Variants in TRIO observed in about 807,000 individuals in gnomAD.
The protein encoded by TRIO is trio Rho guanine nucleotide exchange factor.
Under a neutral mutation model 351.9 loss-of-function variants are expected in TRIO, and 58 were observed. The ratio of observed to expected loss-of-function variants is 0.16; its 90% CI spans 0.13 to 0.21. The LOEUF (loss-of-function observed/expected upper bound fraction) is 0.21. Ranked by LOEUF, TRIO falls within the 10% of genes least tolerant of loss-of-function variation. The pLI, the probability that TRIO is intolerant of heterozygous loss-of-function variation, is 1.00. For synonymous variants in TRIO, 1,758 were observed against 1,595.7 expected (o/e 1.10, Z -2.42); for missense variants, 3,201 against 4,027.8 (o/e 0.79, Z 5.56).
At chr5:14,212,271 C>T (rs950651225) in intron 1 of TRIO, among the ~76,000 whole-genome samples, 6 of 152,112 alleles carry the variant, frequency 3.9e-5, no homozygotes, top group Non-Finnish European at 7.4e-5. Flanking sequence ...GACCAACAGG[C>T]GGGTTTCTGA....
rs537988541 is a variant in TRIO at position 14,224,231 on chromosome 5, C to T, written c.158-46594C>T. On this transcript the variant is annotated intron_variant, in intron 1 of 56. Coordinates refer to ENST00000344204, the MANE Select transcript of TRIO (RefSeq NM_007118.4). ...AGTATGTGAAGCGAGGACCCTACCT[C>T]ATCTGCAGGTTAATCTTATACATAC... is the stretch of plus-strand genomic sequence containing the variant. 9.5e-4 allele frequency among the ~76,000 whole-genome samples: 145 copies of T among 152,160 alleles called. 2 individuals are homozygous for T. Among genetic ancestry groups the T allele is most frequent in the African/African-American group, 3.4e-3 (140 of 41,552 alleles).
At chr5:14,231,082 G>A (rs886755336) in intron 1 of TRIO, among the ~76,000 whole-genome samples, 3 of 152,170 alleles carry the variant, frequency 2.0e-5, no homozygotes, top group Non-Finnish European at 2.9e-5. Context: ...TCTTGTCTTT[G>A]TTTGCTCTTT....
chr5:14,190,514 G>A (rs996637287), intron 1 of TRIO, among the ~76,000 whole-genome samples: 2 of 152,058 alleles, frequency 1.3e-5, no homozygotes, highest in Admixed American at 1.3e-4. Context: ...TGAGGAGAGT[G>A]CAGAAATCTG....
At chr5:14,415,903 G>A (rs965134026) in intron 33 of TRIO, among the ~76,000 whole-genome samples, 6 of 151,668 alleles carry the variant, frequency 4.0e-5, no homozygotes, top group East Asian at 1.9e-4. Flanking sequence ...AAGTTGAAAG[G>A]TTTAAAAAAA....
At chr5:14,153,809 A>G (rs918686536) in intron 1 of TRIO, among the ~76,000 whole-genome samples, 1 of 152,162 alleles carries the variant, frequency 6.6e-6, no homozygotes, top group Non-Finnish European at 1.5e-5. Flanking sequence ...TCTATACAGC[A>G]TCCCACAGCC....
rs577750499 is a variant in TRIO at position 14,325,663 on chromosome 5, AAGAG to A, written c.1732-5105_1732-5102del. On this transcript the variant is annotated intron_variant, in intron 9 of 56. Coordinates refer to ENST00000344204, the MANE Select transcript of TRIO (RefSeq NM_007118.4). The stretch of plus-strand genomic sequence containing the variant: ...CCAAACAAACCACAGCAGAGAGAGA[AAGAG>A]AGAGAGAGAAATTTTTAAACAAATT... Among the ~76,000 whole-genome samples the A allele has an allele frequency of 7.4e-3, 1,126 of 152,178 alleles. 4 individuals carry two copies. The highest frequency in any genetic ancestry group is 0.012 in the Non-Finnish European group (791 of 68,010).
intron 1 of TRIO, among the ~76,000 whole-genome samples, chr5:14,189,368 C>G (rs1178409767): frequency 6.6e-6 from 1 of 152,144 alleles, no homozygotes; most frequent in Non-Finnish European, 1.5e-5. Context: ...AAATCACTAG[C>G]CTAAATACAA....
At chr5:14,227,111 C>T (rs1217252866) in intron 1 of TRIO, among the ~76,000 whole-genome samples, 3 of 152,192 alleles carry the variant, frequency 2.0e-5, no homozygotes, top group Non-Finnish European at 4.4e-5. Flanking sequence ...GCTGTGTTAT[C>T]TTAACAACTC....
At chr5:14,220,173 C>A (rs1792518165) in intron 1 of TRIO, among the ~76,000 whole-genome samples, 1 of 151,672 alleles carries the variant, frequency 6.6e-6, no homozygotes, top group South Asian at 2.1e-4. Flanking sequence ...TTTGGTAATT[C>A]TCACAGTATT....
At chr5:14,330,282 TGTAA>T (rs1740787608) in intron 9 of TRIO, among the ~76,000 whole-genome samples, 1 of 152,230 alleles carries the variant, frequency 6.6e-6, no homozygotes. Context: ...GACTGAGGCA[TGTAA>T]GTGTTAGGTT....
intron 1 of TRIO, among the ~76,000 whole-genome samples, chr5:14,162,794 A>C (rs879077636): frequency 6.6e-6 from 1 of 152,094 alleles, no homozygotes. Context: ...CAACCACATA[A>C]AGGGTATTTT....
chr5:14,149,383 A>T (rs1471221264), intron 1 of TRIO, among the ~76,000 whole-genome samples: 1 of 152,138 alleles, frequency 6.6e-6, no homozygotes, highest in Non-Finnish European at 1.5e-5. Flanking sequence ...ATAAACACTC[A>T]TTTTCGCTTC....
chr5:14,227,157 C>G (rs941702783), intron 1 of TRIO, among the ~76,000 whole-genome samples: 2 of 152,198 alleles, frequency 1.3e-5, no homozygotes, highest in African/African-American at 2.4e-5. Context: ...TCCGCACCCG[C>G]AGTCCTTGAG....
At chr5:14,426,385 GT>G (rs1472356390) in intron 34 of TRIO, among the ~76,000 whole-genome samples, 1 of 152,086 alleles carries the variant, frequency 6.6e-6, no homozygotes, top group African/African-American at 2.4e-5. Context: ...AAAAATAAAT[GT>G]ATTCAGTGAG....
chr5:14,390,030 T>C (rs1746908939), intron 25 of TRIO, among the ~76,000 whole-genome samples: 1 of 152,200 alleles, frequency 6.6e-6, no homozygotes, highest in African/African-American at 2.4e-5. Context: ...ACACTAGCAC[T>C]TGCCCAGAAA....
At chr5:14,427,472 G>A (rs1013028382) in intron 34 of TRIO, among the ~76,000 whole-genome samples, 9 of 152,150 alleles carry the variant, frequency 5.9e-5, no homozygotes, top group Admixed American at 1.3e-4. Context: ...ACCCCAGCAC[G>A]GGGGATACGC....
At chr5:14,320,823 G>A (rs1205539752) in intron 9 of TRIO, among the ~76,000 whole-genome samples, 2 of 152,166 alleles carry the variant, frequency 1.3e-5, no homozygotes, top group Non-Finnish European at 2.9e-5. Context: ...ATTTGACTGT[G>A]CCAGGCTCAT....
At chr5:14,426,502 C>A (rs358753) in intron 34 of TRIO, among the ~76,000 whole-genome samples, 75,521 of 152,116 alleles carry the variant, frequency 0.5, 22,116 homozygotes, top group East Asian at 0.9. Flanking sequence ...AGATGAACTC[C>A]AAGGAACGCT....
At chr5:14,273,379 G>A (rs1179719558) in intron 2 of TRIO, among the ~76,000 whole-genome samples, 1 of 152,194 alleles carries the variant, frequency 6.6e-6, no homozygotes, top group East Asian at 1.9e-4. Flanking sequence ...AAAAAGTAAT[G>A]CTGATTGCAC....
Sources: allele counts gnomAD v4.1 joint callset (sites outside exome capture counted in the v4.1 genomes callset), GRCh38; gene constraint gnomAD v4.1.1; transcripts MANE v1.5; gene names NCBI Gene and HGNC (gene_info 2026-07-23, HGNC 2026-07-21).